The following OXR1 variants were observed in gnomAD, a reference collection of about 807,000 sequenced individuals.
OXR1 encodes the protein oxidation resistance 1.
Under a neutral mutation model 104.6 loss-of-function variants are expected in OXR1, and 41 were observed. The observed-to-expected ratio is 0.39, with a 90% CI of 0.31 to 0.51. The LOEUF is 0.51. OXR1 is among the 20% of genes least tolerant of loss of function. The probability of loss-of-function intolerance (pLI) is 0.77; values close to 1 mark genes in which losing one functional copy is unlikely to be tolerated. For missense variants in OXR1, 955 were observed against 1,031.9 expected (o/e 0.93, Z 1.02); for synonymous variants, 348 against 348.4 (o/e 1.00, Z 0.01).
At chr8:106,511,961 A>C (rs547309836) in intron 2 of OXR1, among the ~76,000 whole-genome samples, 184 of 152,298 alleles carry the variant, frequency 1.2e-3, no homozygotes, top group African/African-American at 4.1e-3. Context: ...CAGTAAATGA[A>C]ATATTGCGTG....
At chr8:106,649,698 T>A (rs897772756) in intron 3 of OXR1, among the ~76,000 whole-genome samples, 16 of 151,912 alleles carry the variant, frequency 1.1e-4, no homozygotes, top group African/African-American at 3.6e-4. Context: ...GTCAAAAATA[T>A]ATATATATAT....
intron 3 of OXR1, among the ~76,000 whole-genome samples, chr8:106,564,027 G>A (rs947856639): frequency 6.6e-6 from 1 of 152,130 alleles, no homozygotes; most frequent in Non-Finnish European, 1.5e-5. Flanking sequence ...ATGCCCACAG[G>A]AGAAAGCAGG....
intron 3 of OXR1, among the ~76,000 whole-genome samples, chr8:106,649,236 T>C (rs1301090410): frequency 6.6e-6 from 1 of 151,212 alleles, no homozygotes; most frequent in African/African-American, 2.4e-5. Context: ...AACAACAAAA[T>C]TGTGGACACA....
Position 106,683,261 on chromosome 8 carries a change from T to C in OXR1, c.366T>C (p.Leu122=), listed in dbSNP as rs895252004. The C allele has an allele frequency of 1.1e-5, 17 of 1,605,952 alleles. No individual in the cohort carries two copies. The highest frequency in any genetic ancestry group is 1.3e-5 in the African/African-American group (1 of 74,822). Residue 122 remains leucine (L), a synonymous_variant, in exon 5 of 17, where the codon CTT becomes CTC. Coordinates refer to ENST00000517566, the MANE Select transcript of OXR1 (RefSeq NM_001198533.2). ...ALKFDTTPNE[L]VQLNKLFSRA... ...AGTTTGATACAACACCTAACGAACT[T>C]GTTCAATTAAATAAGTTATTCTCCC...
chr8:106,649,443 T>C (rs767800805), intron 3 of OXR1, among the ~76,000 whole-genome samples: 5 of 151,674 alleles, frequency 3.3e-5, no homozygotes, highest in Admixed American at 6.6e-5. Flanking sequence ...CCCATATGCA[T>C]GTACCCAGTT....
intron 5 of OXR1, among the ~76,000 whole-genome samples, chr8:106,683,999 G>A (rs538690318): frequency 1.3e-5 from 2 of 152,176 alleles, no homozygotes; most frequent in Non-Finnish European, 2.9e-5. Flanking sequence ...TTGTCCTTTA[G>A]GAGTGACACC....
chr8:106,713,841 C>G lies in OXR1; in HGVS notation c.1812C>G (p.Ala604=). Residue 604 remains alanine, a synonymous_variant, in exon 11 of 17, where the codon GCC becomes GCG. Coordinates refer to ENST00000517566, the MANE Select transcript of OXR1 (RefSeq NM_001198533.2). The part of the protein sequence containing the change: ...VPQERTDHLY[A]FFIQWSPEIY... Reference sequence around the variant, plus strand: ...CTAACAGGACAGATCACTTGTATGCCTTCTTCATTCAGTGGAGTCCAGAAA... The same window carrying G: ...CTAACAGGACAGATCACTTGTATGCGTTCTTCATTCAGTGGAGTCCAGAAA... The G allele has an allele frequency of 6.4e-7, 1 of 1,568,240 alleles. No homozygotes were observed. The highest frequency in any genetic ancestry group is 8.6e-7 in the Non-Finnish European group (1 of 1,165,632).
chr8:106,677,809 T>A (rs1827757146), intron 3 of OXR1, among the ~76,000 whole-genome samples: 1 of 152,102 alleles, frequency 6.6e-6, no homozygotes, highest in Admixed American at 6.6e-5. Context: ...AGAGTTGTAA[T>A]GGATGAACCA....
chr8:106,671,986 TA>T (rs1827042472), intron 3 of OXR1, among the ~76,000 whole-genome samples: 2 of 144,014 alleles, frequency 1.4e-5, no homozygotes, highest in Non-Finnish European at 3.0e-5. Flanking sequence ...ATAATAATAA[TA>T]ATAATAATAA....
At chr8:106,581,553 T>G (rs1818224756) in intron 3 of OXR1, among the ~76,000 whole-genome samples, 1 of 152,168 alleles carries the variant, frequency 6.6e-6, no homozygotes, top group Non-Finnish European at 1.5e-5. Context: ...TAATGTCACT[T>G]GATTTTTCTG....
chr8:106,702,886 A>C lies in OXR1; in HGVS notation c.676-20A>C, dbSNP rs890860221. On this transcript the variant is annotated intron_variant, in intron 7 of 16. Coordinates refer to ENST00000517566, the MANE Select transcript of OXR1 (RefSeq NM_001198533.2). The stretch of plus-strand genomic sequence containing the variant: ...GTATCAACCTTGAGGATTAAATGTT[A>C]CTTTCTTTTTTCACCTTAGGGCACA... The C allele has an allele frequency of 6.3e-7, 1 of 1,583,052 alleles. No individual in the cohort carries two copies. Among genetic ancestry groups the C allele is most frequent in the African/African-American group, 1.4e-5 (1 of 74,030 alleles).
chr8:106,717,463 T>C (rs1832378583), intron 11 of OXR1, among the ~76,000 whole-genome samples: 2 of 152,200 alleles, frequency 1.3e-5, no homozygotes, highest in South Asian at 4.1e-4. Flanking sequence ...CTCTACTCAC[T>C]GTTATTCTGC....
intron 3 of OXR1, among the ~76,000 whole-genome samples, chr8:106,589,769 C>T (rs1275473373): frequency 5.9e-5 from 9 of 152,116 alleles, no homozygotes; most frequent in African/African-American, 9.7e-5. Context: ...CAGGTTCAAA[C>T]GATTCTCCTG....
At chr8:106,640,468 C>A (rs1823536772) in intron 3 of OXR1, among the ~76,000 whole-genome samples, 1 of 151,482 alleles carries the variant, frequency 6.6e-6, no homozygotes, top group Non-Finnish European at 1.5e-5. Context: ...ATCATTGAGA[C>A]CTTAAGGATA....
chr8:106,362,512 A>C (rs1044683364), intron 2 of OXR1, among the ~76,000 whole-genome samples: 1 of 152,178 alleles, frequency 6.6e-6, no homozygotes, highest in South Asian at 2.1e-4. Flanking sequence ...ACTTGAAAAA[A>C]TATATAAATA....
chr8:106,513,060 A>AGT (rs1324930512), intron 2 of OXR1, among the ~76,000 whole-genome samples: 1 of 152,178 alleles, frequency 6.6e-6, no homozygotes, highest in Non-Finnish European at 1.5e-5. Flanking sequence ...TTAGAAAATG[A>AGT]GTGTAAGATT....
chr8:106,377,445 T>C (rs111583926), intron 2 of OXR1, among the ~76,000 whole-genome samples: 155 of 152,266 alleles, frequency 1.0e-3, no homozygotes, highest in African/African-American at 3.5e-3. Context: ...CTTGGCCTCC[T>C]AAATTGCTAG....
At chr8:106,331,125 TC>T (rs1814697505) in intron 1 of OXR1, among the ~76,000 whole-genome samples, 1 of 152,232 alleles carries the variant, frequency 6.6e-6, no homozygotes. Flanking sequence ...AAGACATGCT[TC>T]TTACTTGTTT....
At chr8:106,535,798 C>G (rs1224576473) in intron 3 of OXR1, among the ~76,000 whole-genome samples, 3 of 152,048 alleles carry the variant, frequency 2.0e-5, no homozygotes, top group African/African-American at 7.2e-5. Flanking sequence ...TAAGAAAAAC[C>G]CAGGCTTTCT....
Sources: gnomAD v4.1 joint callset for allele counts (sites outside exome capture counted in the v4.1 genomes callset) on GRCh38, gnomAD v4.1.1 for gene constraint, MANE v1.5 for transcripts, NCBI Gene and HGNC (gene_info 2026-07-23, HGNC 2026-07-21) for gene names.